The following SEPTIN9 variants were observed in gnomAD, a reference collection of about 807,000 sequenced individuals.
The protein encoded by SEPTIN9 is septin 9, also known as septin-9.
In SEPTIN9, 13 loss-of-function variants were observed where a neutral mutation model predicts 56.6. That is an observed-to-expected ratio of 0.23 (90% CI 0.15 to 0.37). The LOEUF (loss-of-function observed/expected upper bound fraction) is 0.37, where lower values mean the gene tolerates loss of function less well. Among genes scored for constraint, SEPTIN9 ranks in the 10% least tolerant of loss-of-function variants. SEPTIN9 has a pLI of 1.00. For missense variants in SEPTIN9, 650 were observed against 823.1 expected (o/e 0.79, Z 2.57); for synonymous variants, 332 against 334.1 (o/e 0.99, Z 0.07).
At position 77,435,294 on chromosome 17, in the gene SEPTIN9, A is replaced by T. The variant is rs1450224066; in HGVS notation, c.721+32591A>T. On this transcript the variant is annotated intron_variant, in intron 3 of 11. Coordinates refer to ENST00000427177, the MANE Select transcript of SEPTIN9 (RefSeq NM_001113491.2). This position sits in a 1 kb window ranked among gnomAD's most constrained non-coding sequence, Gnocchi z 4.5. ...CCTCTGATTGCAAAACCTGAGGCCC[A>T]GAGGAGTGCAGTGACTTGGCCAGCT... Among the ~76,000 whole-genome samples the T allele has an allele frequency of 6.6e-6, 1 of 152,162 alleles. No homozygotes were observed. The highest frequency in any genetic ancestry group is 1.5e-5 in the Non-Finnish European group (1 of 68,016).
At chr17:77,496,921 C>T (rs1474578959) in intron 10 of SEPTIN9, among the ~76,000 whole-genome samples, 1 of 152,228 alleles carries the variant, frequency 6.6e-6, no homozygotes, top group African/African-American at 2.4e-5. Context: ...CCCTGCCTGT[C>T]TTCAGGCCCC....
At chr17:77,466,499 C>T in intron 3 of SEPTIN9, 1 of 985,316 alleles carries the variant, frequency 1.0e-6, no homozygotes, top group Non-Finnish European at 1.2e-6. Context: ...AGCCAGGGGT[C>T]ACTACTGGGT....
At chr17:77,457,380 C>T (rs1427929205) in intron 3 of SEPTIN9, among the ~76,000 whole-genome samples, 1 of 152,210 alleles carries the variant, frequency 6.6e-6, no homozygotes, top group Non-Finnish European at 1.5e-5. Flanking sequence ...CTCCCCAAGT[C>T]TCCCCTAGAG....
chr17:77,457,368 A>G lies in SEPTIN9; in HGVS notation c.722-24776A>G, dbSNP rs1055754984. Among the ~76,000 whole-genome samples, 10 of 152,202 alleles carry G rather than the reference A, an allele frequency of 6.6e-5. No homozygotes were observed. The South Asian group carries it at 1.7e-3, about 25-fold the overall frequency. Reference sequence around the variant, plus strand: ...CACCTTGGGCTGGGAAGCTTGCTCCATCTCCCCAAGTCTCCCCTAGAGGCG... The same window carrying G: ...CACCTTGGGCTGGGAAGCTTGCTCCGTCTCCCCAAGTCTCCCCTAGAGGCG... On this transcript the variant is annotated intron_variant, in intron 3 of 11. Transcript: ENST00000427177.
intron 1 of SEPTIN9, among the ~76,000 whole-genome samples, chr17:77,291,170 C>T (rs1010002550): frequency 1.3e-4 from 19 of 150,502 alleles, no homozygotes; most frequent in African/African-American, 3.2e-4. Context: ...TGAATAGCTG[C>T]GATTACAGGC....
intron 2 of SEPTIN9, among the ~76,000 whole-genome samples, chr17:77,353,563 C>T (rs2034127821): frequency 6.6e-6 from 1 of 152,002 alleles, no homozygotes; most frequent in Admixed American, 6.6e-5. Context: ...CTGCCAATAC[C>T]ATCTTTGCTT....
intron 1 of SEPTIN9, among the ~76,000 whole-genome samples, chr17:77,298,027 A>G (rs2031891106): frequency 6.6e-6 from 1 of 152,202 alleles, no homozygotes; most frequent in Non-Finnish European, 1.5e-5. Flanking sequence ...GCAGGCGAGG[A>G]GGAGGAGGGA....
chr17:77,342,852 C>T (rs552088045), intron 2 of SEPTIN9, among the ~76,000 whole-genome samples: 13 of 152,110 alleles, frequency 8.5e-5, no homozygotes, highest in African/African-American at 2.4e-4. Flanking sequence ...TGTGTGCCTG[C>T]GGTTCCAGCT....
At chr17:77,281,826 G>T (rs571149600) in intron 1 of SEPTIN9, 28 of 461,310 alleles carry the variant, frequency 6.1e-5, no homozygotes, top group African/African-American at 5.6e-4. Flanking sequence ...TTGCACCCTC[G>T]CAGGAATCGC....
intron 4 of SEPTIN9, among the ~76,000 whole-genome samples, chr17:77,486,986 T>G (rs1195419430): frequency 6.6e-6 from 1 of 152,208 alleles, no homozygotes; most frequent in Admixed American, 6.5e-5. Flanking sequence ...TTTGAACACC[T>G]GGGCTTTGGT....
chr17:77,281,735 C>G (rs944105456), intron 1 of SEPTIN9, 181 bp downstream of exon 1: 17 of 561,476 alleles, frequency 3.0e-5, no homozygotes, highest in Non-Finnish European at 4.3e-5. Context: ...CGACCTGAGC[C>G]GACCGTCCCC....
intron 4 of SEPTIN9, among the ~76,000 whole-genome samples, chr17:77,484,577 GTTA>G (rs1168050302): frequency 7.1e-5 from 8 of 112,412 alleles, no homozygotes; most frequent in African/African-American, 1.2e-4. Context: ...GGTGATGGTG[GTTA>G]TGATGGTGGT....
intron 1 of SEPTIN9, among the ~76,000 whole-genome samples, chr17:77,301,357 T>C (rs907875120): frequency 4.6e-5 from 7 of 151,764 alleles, no homozygotes; most frequent in Non-Finnish European, 1.0e-4. Context: ...GCACCTGGCC[T>C]CTCTCAGGAG....
In SEPTIN9 at chr17:77,492,919, C is replaced by T; in HGVS notation, c.1477-61C>T. The T allele has an allele frequency of 6.8e-7, 1 of 1,475,488 alleles. No individual in the cohort carries two copies. The highest frequency in any genetic ancestry group is 9.3e-7 in the Non-Finnish European group (1 of 1,076,092). 91.4% of individuals were successfully genotyped at this position (1,475,488 alleles called of 1,614,324 possible). ...GGCTCAGGGCAGCTCCTCCCGGGGGCCCAGGGGAGGGAATTGCCTTCCCGC... is the reference window on the plus strand; with the variant it reads ...GGCTCAGGGCAGCTCCTCCCGGGGGTCCAGGGGAGGGAATTGCCTTCCCGC... On this transcript the variant is annotated intron_variant, in intron 9 of 11. Coordinates refer to ENST00000427177, the MANE Select transcript of SEPTIN9 (RefSeq NM_001113491.2). The surrounding 1 kb of genome is among the most constrained non-coding windows in gnomAD (Gnocchi z 5.4).
At chr17:77,350,465 C>T (rs995305466) in intron 2 of SEPTIN9, among the ~76,000 whole-genome samples, 7 of 152,142 alleles carry the variant, frequency 4.6e-5, no homozygotes, top group African/African-American at 1.4e-4. Context: ...GTGAGAGAGA[C>T]GAGAGAGAGG....
intron 2 of SEPTIN9, among the ~76,000 whole-genome samples, chr17:77,331,255 T>C (rs1046896862): frequency 1.3e-5 from 2 of 152,068 alleles, no homozygotes; most frequent in Non-Finnish European, 2.9e-5. Context: ...TTCAGCATGT[T>C]TATAAAGTCA....
At chr17:77,340,660 A>T (rs908927452) in intron 2 of SEPTIN9, among the ~76,000 whole-genome samples, 6 of 152,236 alleles carry the variant, frequency 3.9e-5, no homozygotes, top group Admixed American at 6.5e-5. Context: ...CTTTAAAGAC[A>T]GGCATTGACT....
rs763228036 is a variant in SEPTIN9, at chr17:77,482,325, C to T, written c.903C>T (p.Ile301=). The stretch of plus-strand genomic sequence containing the variant: ...TGAAGCAGGGCTTCGAGTTCAACAT[C>T]ATGGTGGTCGGTGAGTCCTCACCTT... The part of the protein sequence containing the change: ...KAMKQGFEFN[I]MVVGQSGLGK... Residue 301 remains isoleucine, a synonymous_variant, in exon 4 of 12, where the codon ATC becomes ATT. Coordinates refer to ENST00000427177, the MANE Select transcript of SEPTIN9 (RefSeq NM_001113491.2). 6.2e-7 allele frequency: 1 copy of T among 1,612,458 alleles called. No individual in the cohort carries two copies. Among genetic ancestry groups the T allele is most frequent in the East Asian group, 2.2e-5 (1 of 44,890 alleles).
At chr17:77,368,908 C>A (rs2034644122) in intron 2 of SEPTIN9, among the ~76,000 whole-genome samples, 1 of 152,172 alleles carries the variant, frequency 6.6e-6, no homozygotes, top group Non-Finnish European at 1.5e-5. Flanking sequence ...GACTAAACAT[C>A]TCTTCTCAGT....
Sources: allele counts gnomAD v4.1 joint callset (sites outside exome capture counted in the v4.1 genomes callset), GRCh38; gene constraint gnomAD v4.1.1; non-coding constraint Gnocchi (gnomAD v3.1); transcripts MANE v1.5; gene names NCBI Gene and HGNC (gene_info 2026-07-23, HGNC 2026-07-21).